NISCH: variants seen among roughly 807,000 people sequenced by gnomAD.
The protein encoded by NISCH is I-1 receptor candidate protein.
A neutral mutation model predicts 138.4 loss-of-function variants in NISCH; 55 were observed. The observed-to-expected ratio is 0.40, with a 90% confidence interval of 0.32 to 0.50. The LOEUF (loss-of-function observed/expected upper bound fraction) is 0.50. NISCH is among the 20% of genes least tolerant of loss of function. The pLI, the probability that NISCH is intolerant of heterozygous loss-of-function variation, is 0.71. For missense variants in NISCH, 1,643 were observed against 2,005.5 expected (o/e 0.82, Z 3.45); for synonymous variants, 860 against 861.5 (o/e 1.00, Z 0.03).
rs1578294879 is a variant in NISCH, at chr3:52,476,427, A to G, written c.766-20A>G. ...CGTGAGGGCCCGAGTGTGGTGCTCC[A>G]CACAGATGTTTTTATGCAGGAAGTC... is the stretch of plus-strand genomic sequence containing the variant. On this transcript the variant is annotated intron_variant, in intron 7 of 20. Coordinates refer to ENST00000345716, the MANE Select transcript of NISCH (RefSeq NM_007184.4). 1.2e-6 allele frequency: 2 copies of G among 1,613,830 alleles called. No individual in the cohort carries two copies. Among genetic ancestry groups the G allele is most frequent in the East Asian group, 4.5e-5 (2 of 44,876 alleles).
At chr3:52,463,783 A>G (rs374289990) in intron 3 of NISCH, among the ~76,000 whole-genome samples, 4 of 124,500 alleles carry the variant, frequency 3.2e-5, no homozygotes, top group Middle Eastern at 7.0e-3. Context: ...GGGTGCAGGC[A>G]TGTGATCCCG....
chr3:52,470,916 C>T lies in NISCH; in HGVS notation c.409+9C>T. 6.2e-7 allele frequency: 1 copy of T among 1,613,618 alleles called. No individual in the cohort carries two copies. Among genetic ancestry groups the T allele is most frequent in the East Asian group, 2.2e-5 (1 of 44,868 alleles). On this transcript the variant is annotated intron_variant, in intron 4 of 20. Coordinates refer to ENST00000345716, the MANE Select transcript of NISCH (RefSeq NM_007184.4). ...AGAGCTCTTTGAGAAAGGTATGTGG[C>T]CACATGTCCCTGAAATACTGAGCAT...
At chr3:52,475,190 CT>C (rs1707063965) in intron 7 of NISCH, among the ~76,000 whole-genome samples, 1 of 138,650 alleles carries the variant, frequency 7.2e-6, no homozygotes, top group Non-Finnish European at 1.5e-5. Context: ...GACCTTGTCT[CT>C]TAAAAAAAAA....
rs778604865 is a variant in NISCH, at chr3:52,455,671, G to A, written c.30G>A (p.Glu10=). The A allele has an allele frequency of 7.4e-7, 1 of 1,359,060 alleles. No individual in the cohort carries two copies. The highest frequency in any genetic ancestry group is 2.2e-5 in the South Asian group (1 of 46,346). The allele number at this position is 1,359,060 out of a possible 1,614,324, so 84.2% of individuals were successfully genotyped here. A position where few individuals can be genotyped will look rare whatever the true frequency, so the allele number is the denominator to read the frequency against. The stretch of plus-strand genomic sequence containing the variant: ...CGACCGCGCGCACCTTCGGGCCCGA[G>A]CGGGAAGCCGAGCCGGCCAAGGAAG... The part of the protein sequence containing the change: MATARTFGP[E]REAEPAKEAR... The change falls in exon 1 of 21, where the codon GAG becomes GAA. Residue 10 remains glutamate, a synonymous_variant. Coordinates refer to ENST00000345716, the MANE Select transcript of NISCH (RefSeq NM_007184.4).
rs1707591031 is a variant in NISCH, at chr3:52,492,313, A to G, written c.4346A>G (p.Asp1449Gly). Residue 1449 changes from aspartate to glycine, a missense_variant, in exon 21 of 21, where the codon GAC becomes GGC. Physicochemically the swap from Asp to Gly is moderately conservative, Grantham distance 94. Transcript: ENST00000345716. ...GHDLMGSVTL[D>G]HFGEVPGGPA... is the part of the protein sequence containing the mutation. ...GACCTCATGGGCAGTGTCACCCTGG[A>G]CCACTTTGGGGAGGTGCCAGGTGGC... 1.9e-6 allele frequency: 3 copies of G among 1,613,380 alleles called. No homozygotes were observed. Among genetic ancestry groups the G allele is most frequent in the East Asian group, 4.5e-5 (2 of 44,884 alleles).
intron 13 of NISCH, chr3:52,480,975 C>A: frequency 6.8e-7 from 1 of 1,473,732 alleles, no homozygotes; most frequent in Non-Finnish European, 9.0e-7. Context: ...CCGAGTGGAG[C>A]CGAGGCTCGG....
At chr3:52,485,900 G>A in intron 15 of NISCH, 73 bp downstream of exon 15, 3 of 1,455,942 alleles carry the variant, frequency 2.1e-6, no homozygotes, top group Non-Finnish European at 2.8e-6. Flanking sequence ...GTGGGCCAGG[G>A]GTGGCCAGTC....
At position 52,486,828 on chromosome 3, in the gene NISCH, GT is replaced by G. The variant is rs1287749881; in HGVS notation, c.1704-367del. On this transcript the variant is annotated intron_variant, in intron 15 of 20. Transcript: ENST00000345716. ...CCCCGGAGGCCACCAGGGGTGACAAGTAGATTCATGCCCTGGAGTGTTCCTT... is the reference window on the plus strand; with the variant it reads ...CCCCGGAGGCCACCAGGGGTGACAAGAGATTCATGCCCTGGAGTGTTCCTT... Among the ~76,000 whole-genome samples, 8 of 152,378 alleles carry G rather than the reference GT, an allele frequency of 5.3e-5. No individual in the cohort carries two copies. In the East Asian group the frequency reaches 1.2e-3, roughly 22 times the overall value.
chr3:52,455,815 G>C, intron 1 of NISCH, 81 bp downstream of exon 1: 1 of 1,023,090 alleles, frequency 9.8e-7, no homozygotes, highest in Non-Finnish European at 1.3e-6. Context: ...GGAGGGGTCC[G>C]GGATCTGCAG....
At position 52,455,626 on chromosome 3, in the gene NISCH, C is replaced by A; in HGVS notation, c.-16C>A. On this transcript the variant is annotated 5_prime_UTR_variant, in exon 1 of 21. Coordinates refer to ENST00000345716, the MANE Select transcript of NISCH (RefSeq NM_007184.4). ...GCTAGTCTGCGCCGGGCGGCGGTGGCGGCGGAGACCCGAACATGGCGACCG... is the reference window on the plus strand; with the variant it reads ...GCTAGTCTGCGCCGGGCGGCGGTGGAGGCGGAGACCCGAACATGGCGACCG... 7.6e-7 allele frequency: 1 copy of A among 1,315,874 alleles called. No individual in the cohort carries two copies. The allele number at this position is 1,315,874 out of a possible 1,614,324, so 81.5% of individuals were successfully genotyped here. A position where few individuals can be genotyped will look rare whatever the true frequency, so the allele number is the denominator to read the frequency against.
rs1578309477 is a variant in NISCH at position 52,487,159 on chromosome 3, T to G, written c.1704-37T>G. ...GCAGGTGGGAGGTGGGAGGGGCCCCTCCCAGCATGCCACTGACCTGGCCTC... is the reference window on the plus strand; with the variant it reads ...GCAGGTGGGAGGTGGGAGGGGCCCCGCCCAGCATGCCACTGACCTGGCCTC... On this transcript the variant is annotated intron_variant, in intron 15 of 20. Coordinates refer to ENST00000345716, the MANE Select transcript of NISCH (RefSeq NM_007184.4). This position sits in a 1 kb window ranked among gnomAD's most constrained non-coding sequence, Gnocchi z 9.1. 1 of 1,573,902 alleles carries G rather than the reference T, an allele frequency of 6.4e-7. No individual in the cohort carries two copies. The highest frequency in any genetic ancestry group is 1.7e-5 in the Admixed American group (1 of 57,572).
chr3:52,484,462 T>TTGGGGGGGC, intron 13 of NISCH, 51 bp from the exon 14 acceptor site: 2 of 788,670 alleles, frequency 2.5e-6, no homozygotes, highest in Non-Finnish European at 3.7e-6. Context: ...ACAGCCGCTC[T>TTGGGGGGGC]CCCCGCCCCA....
At chr3:52,461,038 G>A (rs1016966607) in intron 3 of NISCH, among the ~76,000 whole-genome samples, 2 of 152,098 alleles carry the variant, frequency 1.3e-5, no homozygotes, top group Non-Finnish European at 2.9e-5. Flanking sequence ...CCAGGAGTTC[G>A]AGACCAGCCT....
At chr3:52,458,993 C>A in intron 3 of NISCH, 149 bp downstream of exon 3, 1 of 593,302 alleles carries the variant, frequency 1.7e-6, no homozygotes, top group Non-Finnish European at 2.9e-6. Context: ...GTTAGGAATG[C>A]ATTGTGGCCA....
rs1265691026 is a variant in NISCH at position 52,478,509 on chromosome 3, A to G, written c.1234A>G (p.Asn412Asp). 1 of 1,614,080 alleles carries G rather than the reference A, an allele frequency of 6.2e-7. No homozygotes were observed. The highest frequency in any genetic ancestry group is 8.5e-7 in the Non-Finnish European group (1 of 1,180,042). Residue 412 changes from asparagine (N) to aspartate (D), a missense_variant, in exon 11 of 21, where the codon AAC becomes GAC. Asn to Asp is a conservative substitution (Grantham distance 23). Transcript: ENST00000345716. Reference protein sequence around the residue: ...PCLEHVSLLNNPLSIIPDYRT... With the variant: ...PCLEHVSLLNDPLSIIPDYRT... ...TCTGGAGCACGTGTCTCTGCTGAAC[A>G]ACCCTCTGAGCATCATCCCCGACTA...
At chr3:52,467,276 T>C (rs6414568) in intron 3 of NISCH, among the ~76,000 whole-genome samples, 146,567 of 152,242 alleles carry the variant, frequency 0.96, 70,603 homozygotes, top group African/African-American at 0.99. Flanking sequence ...GCTGGGATGA[T>C]GGGTGAGCCA....
chr3:52,458,791 T>C lies in NISCH; in HGVS notation c.307T>C (p.Phe103Leu). ...EVYLQKLLAA[F>L]PGVTPRVLAH... ...CTACCTCCAGAAGCTCCTGGCTGCC[T>C]TCCCTGGCGTGACCCCCAGAGTACT... Residue 103 changes from phenylalanine to leucine, a missense_variant, in exon 3 of 21, where the codon TTC (phenylalanine) becomes CTC (leucine). Transcript: ENST00000345716. 1 of 1,612,868 alleles carries C rather than the reference T, an allele frequency of 6.2e-7. No individual in the cohort carries two copies. The highest frequency in any genetic ancestry group is 1.9e-4 in the Middle Eastern group (1 of 5,140).
At chr3:52,458,637 T>G (rs377368411) in intron 2 of NISCH, 25 bp from the exon 3 acceptor site, 3 of 1,602,782 alleles carry the variant, frequency 1.9e-6, no homozygotes, top group African/African-American at 2.7e-5. Context: ...TAGTCTGTGG[T>G]TGATGTGCTT....
At position 52,489,625 on chromosome 3, in the gene NISCH, G is replaced by A. The variant is rs756583043; in HGVS notation, c.3403G>A (p.Ala1135Thr). The A allele has an allele frequency of 2.5e-6, 4 of 1,612,930 alleles. No homozygotes were observed. The highest frequency in any genetic ancestry group is 2.5e-6 in the Non-Finnish European group (3 of 1,179,944). Residue 1135 changes from alanine to threonine, a missense_variant, in exon 17 of 21, where the codon GCC becomes ACC. Physicochemically the swap from Ala to Thr is moderately conservative, Grantham distance 58 (BLOSUM62 0). Transcript: ENST00000345716. ...LPACPSLRHV[A>T]SLRGSAIIEL... The stretch of plus-strand genomic sequence containing the variant: ...TGCCTGCCCGTCGCTCCGGCACGTC[G>A]CCAGCCTGCGGGGCAGCGCCATCAT...
Sources: allele counts gnomAD v4.1 joint callset (sites outside exome capture counted in the v4.1 genomes callset), GRCh38; gene constraint gnomAD v4.1.1; non-coding constraint Gnocchi (gnomAD v3.1); transcripts MANE v1.5; gene names NCBI Gene and HGNC (gene_info 2026-07-23, HGNC 2026-07-21).